MARCHF8: variants seen among roughly 807,000 people sequenced by gnomAD.
The protein encoded by MARCHF8 is E3 ubiquitin-protein ligase MARCHF8.
In MARCHF8, 40 loss-of-function variants were observed where a neutral mutation model predicts 51.6. The ratio of observed to expected loss-of-function variants is 0.77; its 90% confidence interval spans 0.60 to 1.01. MARCHF8 has a LOEUF of 1.01. MARCHF8 is among the 50% of genes least tolerant of loss of function. MARCHF8 has a pLI of 0.00. For synonymous variants in MARCHF8, 263 were observed against 280.3 expected, an observed-to-expected ratio of 0.94 and a Z score of 0.62; for missense variants, 685 against 708.6, an observed-to-expected ratio of 0.97 and a Z score of 0.38.
At chr10:45,517,572 T>C (rs1263209353) in intron 2 of MARCHF8, among the ~76,000 whole-genome samples, 1 of 152,184 alleles carries the variant, frequency 6.6e-6, no homozygotes, top group Non-Finnish European at 1.5e-5. Flanking sequence ...CTGCCTTCTG[T>C]AAGCAGCCCA....
At chr10:45,499,419 C>T (rs1459873091) in intron 2 of MARCHF8, among the ~76,000 whole-genome samples, 1 of 152,048 alleles carries the variant, frequency 6.6e-6, no homozygotes, top group Non-Finnish European at 1.5e-5. Context: ...CCTTTGATGC[C>T]CAGAAGTTTT....
At chr10:45,584,785 G>C (rs2044600723) in intron 1 of MARCHF8, among the ~76,000 whole-genome samples, 1 of 152,194 alleles carries the variant, frequency 6.6e-6, no homozygotes, top group Non-Finnish European at 1.5e-5. Flanking sequence ...ATATGAGTCA[G>C]AGAGATTCAA....
At position 45,546,246 on chromosome 10, in the gene MARCHF8, CA is replaced by C. The variant is rs1407630983; in HGVS notation, c.-78-12958del. Among the ~76,000 whole-genome samples the C allele has an allele frequency of 2.0e-5, 3 of 151,898 alleles. No individual in the cohort carries two copies. In the East Asian group the frequency reaches 5.8e-4, roughly 29 times the overall value. ...TGCAATCTCGGCTCACTGAAACCTC[CA>C]CCTTCCTGGTTCAAGCGATTGCGCT... On this transcript the variant is annotated intron_variant, in intron 1 of 6. Coordinates refer to the MARCHF8 transcript ENST00000319836.
intron 6 of MARCHF8, among the ~76,000 whole-genome samples, chr10:45,459,473 C>G (rs1842718752): frequency 1.3e-5 from 2 of 152,168 alleles, no homozygotes; most frequent in African/African-American, 4.8e-5. Context: ...TGAAAAGAAG[C>G]CAGGATCAAG....
chr10:45,523,107 TG>T (rs1330616249), intron 2 of MARCHF8, among the ~76,000 whole-genome samples: 2 of 152,256 alleles, frequency 1.3e-5, no homozygotes, highest in African/African-American at 4.8e-5. Flanking sequence ...CATTTATCTT[TG>T]GTGCTGTTTT....
intron 2 of MARCHF8, among the ~76,000 whole-genome samples, chr10:45,497,194 T>A (rs1403304611): frequency 6.6e-6 from 1 of 152,042 alleles, no homozygotes; most frequent in Non-Finnish European, 1.5e-5. Context: ...TAAAAAAGAC[T>A]TAGGAAAATT....
intron 1 of MARCHF8, among the ~76,000 whole-genome samples, chr10:45,563,994 G>A (rs1477619656): frequency 6.6e-6 from 1 of 152,214 alleles, no homozygotes; most frequent in Non-Finnish European, 1.5e-5. Context: ...AATAAAAAGT[G>A]GCTAGGCGTG....
At chr10:45,461,171 A>C (rs1842771969) in intron 6 of MARCHF8, 60 bp downstream of exon 6, 1 of 1,331,532 alleles carries the variant, frequency 7.5e-7, no homozygotes, top group Non-Finnish European at 1.0e-6. Flanking sequence ...GATCTGAGAC[A>C]CCAGCTTTCT....
chr10:45,545,494 T>C (rs1299434983), intron 1 of MARCHF8, among the ~76,000 whole-genome samples: 2 of 152,218 alleles, frequency 1.3e-5, no homozygotes, highest in African/African-American at 2.4e-5. Flanking sequence ...CACTGATCTT[T>C]AAATATCTGC....
intron 1 of MARCHF8, among the ~76,000 whole-genome samples, chr10:45,544,773 A>G (rs994462529): frequency 2.6e-5 from 4 of 151,988 alleles, no homozygotes. Flanking sequence ...TTACAATGAC[A>G]CTGCACTACT....
At chr10:45,464,459 T>TAG (rs1308985893) in intron 3 of MARCHF8, 132 bp from the exon 4 acceptor site, 3 of 717,700 alleles carry the variant, frequency 4.2e-6, no homozygotes, top group Admixed American at 2.2e-5. Flanking sequence ...TAACACATAT[T>TAG]AGATCCTTCT....
Position 45,533,285 on chromosome 10 carries a change from T to C in MARCHF8, c.-74A>G. Reference sequence around the variant, plus strand: ...GTAGAGTCATTTTGGGCCATGGATTTCAAGCTGAGAGAAAATGAAGAGAGA... The same window carrying C: ...GTAGAGTCATTTTGGGCCATGGATTCCAAGCTGAGAGAAAATGAAGAGAGA... On this transcript the variant is annotated 5_prime_UTR_variant, in exon 2 of 8. The change abolishes the stop of an existing upstream ORF in the 5' untranslated region. Transcript: ENST00000453424. The C allele has an allele frequency of 6.7e-7, 1 of 1,493,876 alleles. No individual in the cohort carries two copies. Among genetic ancestry groups the C allele is most frequent in the Non-Finnish European group, 8.9e-7 (1 of 1,123,896 alleles). The allele number at this position is 1,493,876 out of a possible 1,614,324, so 92.5% of individuals were successfully genotyped here.
chr10:45,468,422 C>A (rs1179764431), intron 3 of MARCHF8, among the ~76,000 whole-genome samples: 1 of 152,228 alleles, frequency 6.6e-6, no homozygotes, highest in Non-Finnish European at 1.5e-5. Context: ...CTATTACCCA[C>A]GCCCCTCATT....
intron 3 of MARCHF8, among the ~76,000 whole-genome samples, chr10:45,484,471 A>T (rs1429917502): frequency 2.0e-5 from 3 of 152,114 alleles, no homozygotes; most frequent in Non-Finnish European, 4.4e-5. Flanking sequence ...CACCTGTGGG[A>T]CTCAAACTGC....
At chr10:45,527,863 G>A (rs1477313021) in intron 2 of MARCHF8, among the ~76,000 whole-genome samples, 1 of 152,070 alleles carries the variant, frequency 6.6e-6, no homozygotes, top group Non-Finnish European at 1.5e-5. Flanking sequence ...GAAAATACTA[G>A]CAAACCAAAT....
chr10:45,482,156 A>G (rs192413241), intron 3 of MARCHF8, among the ~76,000 whole-genome samples: 7 of 152,344 alleles, frequency 4.6e-5, no homozygotes, highest in Non-Finnish European at 1.5e-5. Flanking sequence ...TGATAAAAGA[A>G]GCTGAAGAGG....
At chr10:45,533,413 GT>G (rs1297886616) in intron 1 of MARCHF8, 124 bp from the exon 2 acceptor site, 11 of 502,816 alleles carry the variant, frequency 2.2e-5, no homozygotes, top group Non-Finnish European at 2.7e-5. Flanking sequence ...CAACATAAAT[GT>G]TTGGTCTTCA....
intron 1 of MARCHF8, among the ~76,000 whole-genome samples, chr10:45,588,998 CAAAAAAAAA>C (rs72350925): frequency 1.1e-4 from 10 of 87,672 alleles, no homozygotes; most frequent in African/African-American, 3.7e-4. Flanking sequence ...GACTACGTTT[CAAAAAAAAA>C]AAAAAAAAAA....
chr10:45,548,535 T>C (rs1445592973), intron 1 of MARCHF8, among the ~76,000 whole-genome samples: 5 of 152,174 alleles, frequency 3.3e-5, no homozygotes, highest in Non-Finnish European at 7.3e-5. Context: ...AGGGAAATTA[T>C]GGAATAGCCA....
Sources: allele counts gnomAD v4.1 joint callset (sites outside exome capture counted in the v4.1 genomes callset), GRCh38; gene constraint gnomAD v4.1.1; transcripts MANE v1.5; gene names NCBI Gene and HGNC (gene_info 2026-07-23, HGNC 2026-07-21).